The following EP300 variants were observed in gnomAD, a reference collection of about 807,000 sequenced individuals.
The protein encoded by EP300 is histone acetyltransferase p300.
In EP300, 31 loss-of-function variants were observed where a neutral mutation model predicts 264.0. The observed-to-expected ratio is 0.12, with a 90% CI of 0.09 to 0.16. The LOEUF is 0.16. Ranked by LOEUF, EP300 falls within the 10% of genes least tolerant of loss-of-function variation. The probability of loss-of-function intolerance (pLI) is 1.00; values close to 1 mark genes in which losing one functional copy is unlikely to be tolerated. For missense variants in EP300, 2,766 were observed against 3,052.9 expected (o/e 0.91, Z 2.21); for synonymous variants, 1,340 against 1,045.4 (o/e 1.28, Z -5.44).
intron 1 of EP300, among the ~76,000 whole-genome samples, chr22:41,109,827 C>A (rs1205237691): frequency 6.6e-6 from 1 of 151,522 alleles, no homozygotes; most frequent in Non-Finnish European, 1.5e-5. Flanking sequence ...CCACCACCAC[C>A]CCCCAAGATG....
intron 23 of EP300, 36 bp from the exon 24 acceptor site, chr22:41,168,413 T>G (rs530802664): frequency 7.4e-6 from 12 of 1,613,076 alleles, no homozygotes; most frequent in Non-Finnish European, 9.3e-6. Context: ...AACAGTAAAT[T>G]TGCACCTCAG....
chr22:41,131,527 C>T lies in EP300; in HGVS notation c.1422C>T (p.Pro474=), dbSNP rs765863428. 2.4e-5 allele frequency: 39 copies of T among 1,613,934 alleles called. No individual in the cohort carries two copies. In the South Asian group the frequency reaches 3.2e-4, roughly 13 times the overall value. ...GAGCCTATGCAGCTCTTGGACTACCCTATCAAGTAAATCAGATGCCGACAC... is the reference window on the plus strand; with the variant it reads ...GAGCCTATGCAGCTCTTGGACTACCTTATCAAGTAAATCAGATGCCGACAC... The part of the protein sequence containing the change: ...IERAYAALGL[P]YQVNQMPTQP... The change falls in exon 6 of 31, where the codon CCC becomes CCT. Residue 474 remains proline (P), a synonymous_variant. Coordinates refer to ENST00000263253, the MANE Select transcript of EP300 (RefSeq NM_001429.4).
At chr22:41,139,168 G>A (rs928647424) in intron 8 of EP300, among the ~76,000 whole-genome samples, 1 of 152,134 alleles carries the variant, frequency 6.6e-6, no homozygotes, top group African/African-American at 2.4e-5. Flanking sequence ...TGGCCAGGCT[G>A]GTCTCGAACT....
chr22:41,160,663 T>C lies in EP300; in HGVS notation c.3612T>C (p.Cys1204=), dbSNP rs758126148. 4 of 1,614,098 alleles carry C rather than the reference T, an allele frequency of 2.5e-6. No individual in the cohort carries two copies. The highest frequency in any genetic ancestry group is 3.4e-6 in the Non-Finnish European group (4 of 1,179,986). ...ACAGGTATCATTTCTGTGAGAAGTGTTTCAATGAGATCCAAGGGGAGAGCG... is the reference window on the plus strand; with the variant it reads ...ACAGGTATCATTTCTGTGAGAAGTGCTTCAATGAGATCCAAGGGGAGAGCG... ...YQNRYHFCEK[C]FNEIQGESVS... Residue 1204 remains cysteine (C), a synonymous_variant, in exon 20 of 31, where the codon TGT becomes TGC. Coordinates refer to ENST00000263253, the MANE Select transcript of EP300 (RefSeq NM_001429.4).
rs71200660 is a variant in EP300, at chr22:41,110,282, A to ATT, written c.95-6868_95-6867dup. On this transcript the variant is annotated intron_variant, in intron 1 of 30. Coordinates refer to ENST00000263253, the MANE Select transcript of EP300 (RefSeq NM_001429.4). ...AGGTGCATGCCAGCATATCCAGCTA[A>ATT]TTTTTTTTTTTTTTTTTTTTTTTTT... 4.9e-3 allele frequency among the ~76,000 whole-genome samples: 234 copies of ATT among 48,222 alleles called. 66 individuals carry two copies. Among genetic ancestry groups the ATT allele is most frequent in the Non-Finnish European group, 6.9e-3 (186 of 26,880 alleles). 31.6% of individuals were successfully genotyped at this position (48,222 alleles called of 152,430 possible). A position where few individuals can be genotyped will look rare whatever the true frequency, so the allele number is the denominator to read the frequency against.
chr22:41,095,610 CA>C (rs2058698128), intron 1 of EP300, among the ~76,000 whole-genome samples: 1 of 151,856 alleles, frequency 6.6e-6, no homozygotes, highest in African/African-American at 2.4e-5. Context: ...ATTGGAGGCA[CA>C]TCACCTCTTA....
At chr22:41,119,787 T>A (rs1178073658) in intron 2 of EP300, among the ~76,000 whole-genome samples, 1 of 152,156 alleles carries the variant, frequency 6.6e-6, no homozygotes, top group Non-Finnish European at 1.5e-5. Context: ...ATTCAAATTT[T>A]AAACTTCTGT....
At chr22:41,115,757 A>G (rs1432852227) in intron 1 of EP300, among the ~76,000 whole-genome samples, 1 of 152,218 alleles carries the variant, frequency 6.6e-6, no homozygotes, top group Non-Finnish European at 1.5e-5. Flanking sequence ...TGAAGGAGCC[A>G]GAGGCATGGT....
At chr22:41,148,463 C>T (rs538292714) in intron 12 of EP300, among the ~76,000 whole-genome samples, 80 of 152,248 alleles carry the variant, frequency 5.3e-4, no homozygotes, top group African/African-American at 1.8e-3. Flanking sequence ...TTCATTTTAA[C>T]CTATAAGACA....
At chr22:41,160,854 G>T in intron 20 of EP300, 132 bp downstream of exon 20, 1 of 796,790 alleles carries the variant, frequency 1.3e-6, no homozygotes, top group Non-Finnish European at 2.1e-6. Flanking sequence ...CTATTTAAAT[G>T]CATATTAATT....
At chr22:41,156,835 C>G (rs1051088959) in intron 17 of EP300, among the ~76,000 whole-genome samples, 25 of 152,194 alleles carry the variant, frequency 1.6e-4, no homozygotes, top group African/African-American at 6.0e-4. Flanking sequence ...TTAGTTTCCT[C>G]ATTGTACACC....
At chr22:41,153,600 G>C (rs1181470489) in intron 16 of EP300, among the ~76,000 whole-genome samples, 2 of 151,976 alleles carry the variant, frequency 1.3e-5, no homozygotes, top group African/African-American at 4.8e-5. Context: ...AAGTACAAAA[G>C]TTAGCCGGGT....
chr22:41,160,257 G>C, intron 19 of EP300: 1 of 256,704 alleles, frequency 3.9e-6, no homozygotes, highest in East Asian at 9.4e-5. Context: ...GATCCCATTT[G>C]AGATATTTAA....
chr22:41,096,093 T>A lies in EP300; in HGVS notation c.94+2995T>A, dbSNP rs540227034. On this transcript the variant is annotated intron_variant, in intron 1 of 30. Transcript: ENST00000263253. ...TTTGCATTTGATCCATTGAAATTTT[T>A]ATTTCATTTGGTATGGTTAGGGTAA... Among the ~76,000 whole-genome samples the A allele has an allele frequency of 2.0e-5, 3 of 152,302 alleles. No individual in the cohort carries two copies. In the South Asian group the frequency reaches 6.2e-4, roughly 32 times the overall value.
intron 1 of EP300, among the ~76,000 whole-genome samples, chr22:41,095,109 C>A (rs886095283): frequency 6.6e-6 from 1 of 152,082 alleles, no homozygotes; most frequent in African/African-American, 2.4e-5. Flanking sequence ...CAAGATTCTA[C>A]TCCAGGAATT....
intron 20 of EP300, among the ~76,000 whole-genome samples, chr22:41,162,326 T>C (rs1273066767): frequency 5.3e-5 from 8 of 152,182 alleles, no homozygotes; most frequent in Non-Finnish European, 1.0e-4. Context: ...AGTTGGAGAA[T>C]GTGGATCCTA....
chr22:41,157,923 G>A (rs1265599991), intron 18 of EP300, among the ~76,000 whole-genome samples: 1 of 152,202 alleles, frequency 6.6e-6, no homozygotes, highest in Non-Finnish European at 1.5e-5. Context: ...GTATGGAAAA[G>A]TTGACTAATT....
intron 17 of EP300, among the ~76,000 whole-genome samples, chr22:41,156,099 C>G (rs185714996): frequency 6.6e-6 from 1 of 152,062 alleles, no homozygotes; most frequent in Non-Finnish European, 1.5e-5. Context: ...TCAACCTCCC[C>G]CTCCCGGGTT....
chr22:41,134,388 G>A (rs1236387690), intron 6 of EP300, among the ~76,000 whole-genome samples: 1 of 151,782 alleles, frequency 6.6e-6, no homozygotes, highest in Non-Finnish European at 1.5e-5. Flanking sequence ...TGTGAGATTG[G>A]TCTCACTGTG....
Sources: gnomAD v4.1 joint callset for allele counts (sites outside exome capture counted in the v4.1 genomes callset) on GRCh38, gnomAD v4.1.1 for gene constraint, MANE v1.5 for transcripts, NCBI Gene and HGNC (gene_info 2026-07-23, HGNC 2026-07-21) for gene names.